Variants in SSX5 observed in about 807,000 individuals in gnomAD.
SSX5 encodes the protein protein SSX5.
A neutral mutation model predicts 14.9 loss-of-function variants in SSX5; 14 were observed. The observed-to-expected ratio is 0.94, with a 90% confidence interval of 0.62 to 1.47. The LOEUF (loss-of-function observed/expected upper bound fraction) is 1.47, where lower values mean the gene tolerates loss of function less well. Ranked by LOEUF, SSX5 falls within the 40% of genes most tolerant of loss-of-function variation. SSX5 has a pLI of 0.00. For missense variants in SSX5, 204 were observed against 154.6 expected, an observed-to-expected ratio of 1.32 and a Z score of -1.70; for synonymous variants, 70 against 55.4, an observed-to-expected ratio of 1.26 and a Z score of -1.17.
At chrX:48,188,939 G>T (rs782178860) in intron 6 of SSX5, among the ~76,000 whole-genome samples, 170 of 112,559 alleles carry the variant, frequency 1.5e-3, no homozygotes, top group African/African-American at 5.2e-3. Context: ...GGTCAGGATA[G>T]AAGACGAAAC....
In SSX5 at chrX:48,190,760, T is replaced by C. The variant is rs1601919949; in HGVS notation, c.331-492A>G. 5.4e-5 allele frequency among the ~76,000 whole-genome samples: 6 copies of C among 111,162 alleles called. No individual in the cohort carries two copies. The South Asian group carries it at 1.9e-3, about 35-fold the overall frequency. ...AGGGAGAGGGAAAGAAATGGTTTGC[T>C]GAAATTAATCCAGGCAGCAAAGAAA... On this transcript the variant is annotated intron_variant, in intron 5 of 7. Coordinates refer to ENST00000347757, the MANE Select transcript of SSX5 (RefSeq NM_175723.2).
rs1556924052 is a variant in SSX5, at chrX:48,187,659, A to G, written c.539T>C (p.Ile180Thr). 1.7e-6 allele frequency: 2 copies of G among 1,207,934 alleles called. No individual in the cohort carries two copies. The highest frequency in any genetic ancestry group is 1.8e-5 in the African/African-American group (1 of 56,950). ...CTCGTCATCTTCCTGAGGGTCGCTG[A>G]TCTCTTCATAAATCACCAGTTGCTT... ...ERKQLVIYEE[I>T]SDPQEDDE Residue 180 changes from isoleucine to threonine, a missense_variant, in exon 7 of 8, where the codon ATC becomes ACC. Coordinates refer to ENST00000347757, the MANE Select transcript of SSX5 (RefSeq NM_175723.2).
intron 4 of SSX5, among the ~76,000 whole-genome samples, chrX:48,192,777 T>G (rs1203950265): frequency 8.9e-6 from 1 of 112,389 alleles, no homozygotes; most frequent in Admixed American, 9.5e-5. Context: ...AAGCACTGGC[T>G]TTTCAGATCT....
chrX:48,195,256 G>A, intron 2 of SSX5, 34 bp downstream of exon 2: 1 of 1,207,250 alleles, frequency 8.3e-7, no homozygotes, highest in Non-Finnish European at 1.1e-6. Context: ...ACTGTCCCCT[G>A]GGCCACTACT....
At chrX:48,191,613 T>C (rs2059420509) in intron 5 of SSX5, among the ~76,000 whole-genome samples, 1 of 91,875 alleles carries the variant, frequency 1.1e-5, no homozygotes, top group African/African-American at 3.9e-5. Context: ...GTTGTGAGAG[T>C]GGGTCTCTCA....
chrX:48,190,348 T>C (rs2059415303), intron 5 of SSX5, 80 bp from the exon 6 acceptor site: 2 of 1,061,359 alleles, frequency 1.9e-6, no homozygotes, highest in South Asian at 2.5e-5. Context: ...AATCTTCACA[T>C]GCATTACCTT....
Position 48,186,491 on chromosome X carries a change from C to T in SSX5, c.*370G>A, listed in dbSNP as rs2059397900. 2.9e-6 allele frequency: 1 copy of T among 347,189 alleles called. No individual in the cohort carries two copies. The highest frequency in any genetic ancestry group is 5.1e-6 in the Non-Finnish European group (1 of 196,919). 28.6% of individuals were successfully genotyped at this position (347,189 alleles called of 1,213,427 possible). Reference sequence around the variant, plus strand: ...AAAATCTGAAATTAAACACTCAGAACTGCCCTCAGTGGTCACATCTGGGAA... The same window carrying T: ...AAAATCTGAAATTAAACACTCAGAATTGCCCTCAGTGGTCACATCTGGGAA... On this transcript the variant is annotated 3_prime_UTR_variant, in exon 8 of 8. Coordinates refer to ENST00000347757, the MANE Select transcript of SSX5 (RefSeq NM_175723.2).
chrX:48,191,142 A>G (rs1168355643), intron 5 of SSX5, among the ~76,000 whole-genome samples: 12 of 110,217 alleles, frequency 1.1e-4, no homozygotes, highest in Non-Finnish European at 2.3e-4. Flanking sequence ...TGACCTCATG[A>G]TCTGCCCGCC....
At chrX:48,195,043 G>A in intron 2 of SSX5, 189 bp from the exon 3 acceptor site, 1 of 1,211,367 alleles carries the variant, frequency 8.3e-7, no homozygotes, top group Non-Finnish European at 1.1e-6. Flanking sequence ...GAGCTTTAAT[G>A]CTGCTGGCTG....
chrX:48,194,778 A>G lies in SSX5; in HGVS notation c.146T>C (p.Val49Ala). Residue 49 changes from valine to alanine, a missense_variant, in exon 3 of 8, where the codon GTG becomes GCG. By Grantham distance (64) the Val-to-Ala change is moderately conservative. Transcript: ENST00000347757. Reference protein sequence around the residue: ...KMKASEKIIYVYMKRKYEAMT... With the variant: ...KMKASEKIIYAYMKRKYEAMT... ...GGCCTCATACTTTCTCTTCATATAC[A>G]CATAGATGATTTTCTCCGAGGCTTT... is the stretch of plus-strand genomic sequence containing the variant. 3 of 1,210,121 alleles carry G rather than the reference A, an allele frequency of 2.5e-6. No individual in the cohort carries two copies. Among genetic ancestry groups the G allele is most frequent in the Non-Finnish European group, 3.4e-6 (3 of 894,702 alleles).
intron 5 of SSX5, 109 bp from the exon 6 acceptor site, chrX:48,190,377 T>C: frequency 1.0e-5 from 10 of 989,265 alleles, no homozygotes; most frequent in Admixed American, 3.4e-5. Flanking sequence ...TTCTCAACAA[T>C]GCTAGGAGAG....
intron 1 of SSX5, among the ~76,000 whole-genome samples, chrX:48,196,026 C>T (rs1229781510): frequency 9.0e-6 from 1 of 111,595 alleles, no homozygotes; most frequent in African/African-American, 3.3e-5. Context: ...TGGCTCACTC[C>T]TGTAATCCCA....
intron 5 of SSX5, 132 bp downstream of exon 5, chrX:48,192,100 A>G: frequency 9.5e-7 from 1 of 1,048,196 alleles, no homozygotes; most frequent in Non-Finnish European, 1.3e-6. Context: ...CGTCGGTGCT[A>G]CATCAGGTGT....
intron 5 of SSX5, 54 bp from the exon 6 acceptor site, chrX:48,190,322 T>C: frequency 8.9e-7 from 1 of 1,120,597 alleles, no homozygotes; most frequent in Non-Finnish European, 1.2e-6. Flanking sequence ...TCTTTAGTGC[T>C]TTAGAGCTTA....
chrX:48,187,362 A>G (rs1339377634), intron 7 of SSX5, among the ~76,000 whole-genome samples: 1 of 110,846 alleles, frequency 9.0e-6, no homozygotes, highest in African/African-American at 3.3e-5. Flanking sequence ...GGGGAGGCTG[A>G]GGCAGGAGAA....
In SSX5 at chrX:48,186,655, G is replaced by T. The variant is rs1335969967; in HGVS notation, c.*206C>A. 3.1e-5 allele frequency: 23 copies of T among 731,015 alleles called. No homozygotes were observed. Among genetic ancestry groups the T allele is most frequent in the Non-Finnish European group, 4.6e-5 (23 of 495,194 alleles). 60.2% of individuals were successfully genotyped at this position (731,015 alleles called of 1,213,427 possible). On this transcript the variant is annotated 3_prime_UTR_variant, in exon 8 of 8. Transcript: ENST00000347757. ...GAAAACGCTAATATCTAACAGAATG[G>T]CACACTGTAACAAAATACAACAGAA...
chrX:48,187,035 C>T (rs1376663666), intron 7 of SSX5, among the ~76,000 whole-genome samples, 179 bp from the exon 8 acceptor site: 1 of 111,704 alleles, frequency 9.0e-6, no homozygotes, highest in African/African-American at 3.3e-5. Context: ...CAGTGACTTC[C>T]TCGCCTGGGT....
intron 1 of SSX5, among the ~76,000 whole-genome samples, chrX:48,196,115 C>T (rs1463199220): frequency 2.7e-5 from 3 of 109,589 alleles, no homozygotes; most frequent in Non-Finnish European, 1.9e-5. Flanking sequence ...GCAAAACTCT[C>T]GTGTCTACAA....
intron 3 of SSX5, among the ~76,000 whole-genome samples, chrX:48,194,460 G>A (rs1416895641): frequency 3.6e-5 from 4 of 109,603 alleles, no homozygotes; most frequent in Admixed American, 9.8e-5. Flanking sequence ...AGGTAGGGAC[G>A]ATGGGGGGGT....
Sources: gnomAD v4.1 joint callset for allele counts (sites outside exome capture counted in the v4.1 genomes callset) on GRCh38, gnomAD v4.1.1 for gene constraint, MANE v1.5 for transcripts, NCBI Gene and HGNC (gene_info 2026-07-23, HGNC 2026-07-21) for gene names.